The following PACS1 variants were observed in gnomAD, a reference collection of about 807,000 sequenced individuals.
The protein encoded by PACS1 is phosphofurin acidic cluster sorting protein 1.
A neutral mutation model predicts 115.0 loss-of-function variants in PACS1; 24 were observed. The ratio of observed to expected loss-of-function variants is 0.21; its 90% CI spans 0.15 to 0.29. The LOEUF is 0.29. Among genes scored for constraint, PACS1 ranks in the 10% least tolerant of loss-of-function variants. PACS1 has a pLI of 1.00. For missense variants in PACS1, 838 were observed against 1,251.2 expected, an observed-to-expected ratio of 0.67 and a Z score of 4.98; for synonymous variants, 453 against 504.5, an observed-to-expected ratio of 0.90 and a Z score of 1.37.
At chr11:66,173,122 A>G (rs1215730458) in intron 1 of PACS1, among the ~76,000 whole-genome samples, 2 of 148,762 alleles carry the variant, frequency 1.3e-5, no homozygotes, top group Non-Finnish European at 3.0e-5. Flanking sequence ...TTGTAGAGAC[A>G]GGGTCCTGCT....
intron 1 of PACS1, among the ~76,000 whole-genome samples, chr11:66,153,082 G>A (rs2134611326): frequency 6.6e-6 from 1 of 152,234 alleles, no homozygotes; most frequent in South Asian, 2.1e-4. Context: ...AAATATAAAA[G>A]ACTATGATTT....
intron 1 of PACS1, among the ~76,000 whole-genome samples, chr11:66,156,084 C>A: frequency 6.6e-6 from 1 of 151,424 alleles, no homozygotes. Flanking sequence ...AAGGAACTTT[C>A]AAGGGTGATG....
intron 1 of PACS1, among the ~76,000 whole-genome samples, chr11:66,149,497 A>C (rs1050776505): frequency 1.3e-5 from 2 of 151,984 alleles, no homozygotes; most frequent in Admixed American, 1.3e-4. Context: ...TTTTTTTCCT[A>C]CTGTGTGTTT....
rs1317789371 is a variant in PACS1 at position 66,220,440 on chromosome 11, A to G, written c.1039-191A>G. The stretch of plus-strand genomic sequence containing the variant: ...GGAGCGGTGGCAGGAACTGGGGGGA[A>G]GGTGGCCTCACCATGTCCCCGCCCT... On this transcript the variant is annotated intron_variant, in intron 8 of 23. Transcript: ENST00000320580. 13 of 580,874 alleles carry G rather than the reference A, an allele frequency of 2.2e-5. No homozygotes were observed. The Admixed American group carries it at 2.7e-4, about 12-fold the overall frequency. The allele number at this position is 580,874 out of a possible 1,614,324, so 36.0% of individuals were successfully genotyped here.
chr11:66,161,371 A>G (rs1194643737), intron 1 of PACS1, among the ~76,000 whole-genome samples: 3 of 152,120 alleles, frequency 2.0e-5, no homozygotes, highest in African/African-American at 7.2e-5. Flanking sequence ...TAGGATCATA[A>G]GAGCCCAGGA....
intron 1 of PACS1, among the ~76,000 whole-genome samples, chr11:66,090,271 C>CTTTTTTTTTTTT (rs930565654): frequency 1.8e-5 from 2 of 109,440 alleles, no homozygotes; most frequent in Non-Finnish European, 3.7e-5. Context: ...TCTTTCCTTT[C>CTTTTTTTTTTTT]TTTTTTTTTT....
intron 10 of PACS1, 161 bp downstream of exon 10, chr11:66,221,408 GA>G: frequency 1.5e-6 from 1 of 647,416 alleles, no homozygotes; most frequent in Non-Finnish European, 2.8e-6. Flanking sequence ...GGCACTTTGG[GA>G]GGTGGAGTCG....
intron 1 of PACS1, among the ~76,000 whole-genome samples, chr11:66,168,616 T>A (rs1200371663): frequency 6.7e-6 from 1 of 150,308 alleles, no homozygotes; most frequent in Non-Finnish European, 1.5e-5. Context: ...ATTTTCCTCA[T>A]CTGTAAAATA....
At chr11:66,186,303 G>A (rs964272636) in intron 1 of PACS1, among the ~76,000 whole-genome samples, 3 of 150,940 alleles carry the variant, frequency 2.0e-5, no homozygotes, top group African/African-American at 4.9e-5. Flanking sequence ...CACATCTTGC[G>A]TATGGTTTAC....
intron 1 of PACS1, among the ~76,000 whole-genome samples, chr11:66,176,927 G>A (rs570927882): frequency 6.6e-6 from 1 of 152,286 alleles, no homozygotes; most frequent in African/African-American, 2.4e-5. Flanking sequence ...TATGTCTCAG[G>A]TAAAGCACTT....
Position 66,070,465 on chromosome 11 carries a change from G to T in PACS1, c.-22G>T. ...CCAGATCGGCGTCGCCTCGGCCTCC[G>T]TAACCCCCGCCTAGCCGGGCCATGG... On this transcript the variant is annotated 5_prime_UTR_variant, in exon 1 of 24. Transcript: ENST00000320580. The surrounding 1 kb of genome is among the most constrained non-coding windows in gnomAD (Gnocchi z 5.9). 1 of 1,245,024 alleles carries T rather than the reference G, an allele frequency of 8.0e-7. No homozygotes were observed. Among genetic ancestry groups the T allele is most frequent in the Non-Finnish European group, 1.0e-6 (1 of 994,968 alleles). 77.1% of individuals were successfully genotyped at this position (1,245,024 alleles called of 1,614,324 possible). A position where few individuals can be genotyped will look rare whatever the true frequency, so the allele number is the denominator to read the frequency against.
chr11:66,091,988 G>C (rs999926014), intron 1 of PACS1, among the ~76,000 whole-genome samples: 4 of 152,138 alleles, frequency 2.6e-5, no homozygotes, highest in African/African-American at 9.7e-5. Flanking sequence ...ACATACGTGT[G>C]CATATGTTGT....
intron 1 of PACS1, among the ~76,000 whole-genome samples, chr11:66,107,821 T>G (rs72934642): frequency 0.024 from 3,642 of 152,328 alleles, 63 homozygotes; most frequent in Non-Finnish European, 0.04. Context: ...GCAACAAGTA[T>G]TACAACAGTC....
intron 1 of PACS1, chr11:66,100,664 C>G (rs143785281): frequency 2.7e-6 from 1 of 374,908 alleles, no homozygotes; most frequent in African/African-American, 2.1e-5. Flanking sequence ...GGGCAGAGTT[C>G]AGCAATAATA....
intron 1 of PACS1, among the ~76,000 whole-genome samples, chr11:66,102,499 G>GT (rs1857941938): frequency 6.6e-6 from 1 of 151,364 alleles, no homozygotes; most frequent in South Asian, 2.1e-4. Context: ...TAATTTTTCT[G>GT]TTTTTAGTAC....
At chr11:66,076,559 A>G (rs906192378) in intron 1 of PACS1, among the ~76,000 whole-genome samples, 2 of 152,032 alleles carry the variant, frequency 1.3e-5, no homozygotes, top group Non-Finnish European at 2.9e-5. Context: ...CACCCAGCAC[A>G]TTTTTGTATT....
At chr11:66,135,177 G>T (rs1225067646) in intron 1 of PACS1, among the ~76,000 whole-genome samples, 1 of 151,876 alleles carries the variant, frequency 6.6e-6, no homozygotes, top group African/African-American at 2.4e-5. Context: ...TCCAGCCTGG[G>T]CAATAGAGAT....
At chr11:66,128,273 A>AAT (rs1451139600) in intron 1 of PACS1, among the ~76,000 whole-genome samples, 11 of 152,226 alleles carry the variant, frequency 7.2e-5, no homozygotes, top group Non-Finnish European at 1.3e-4. Context: ...GACAAGAGGA[A>AAT]ATTTATCTTA....
Position 66,243,780 on chromosome 11 carries a change from A to C in PACS1, c.*500A>C. ...GGACCCAAGGCCACTTTCAACTCTT[A>C]TGGGGTTCTCCACCTGCCCCAGAGC... On this transcript the variant is annotated 3_prime_UTR_variant, in exon 24 of 24. Transcript: ENST00000320580. 2 of 157,382 alleles carry C rather than the reference A, an allele frequency of 1.3e-5. No individual in the cohort carries two copies. Among genetic ancestry groups the C allele is most frequent in the Non-Finnish European group, 2.8e-5 (2 of 71,124 alleles). The allele number at this position is 157,382 out of a possible 1,614,324, so 9.7% of individuals were successfully genotyped here.
Sources: allele counts gnomAD v4.1 joint callset (sites outside exome capture counted in the v4.1 genomes callset), GRCh38; gene constraint gnomAD v4.1.1; non-coding constraint Gnocchi (gnomAD v3.1); transcripts MANE v1.5; gene names NCBI Gene and HGNC (gene_info 2026-07-23, HGNC 2026-07-21).